The following CTNND2 variants were observed in gnomAD, a reference collection of about 807,000 sequenced individuals.
The protein encoded by CTNND2 is catenin delta-2.
A neutral mutation model predicts 144.4 loss-of-function variants in CTNND2; 22 were observed. The ratio of observed to expected loss-of-function variants is 0.15; its 90% CI spans 0.11 to 0.22. The LOEUF (loss-of-function observed/expected upper bound fraction) is 0.22, where lower values mean the gene tolerates loss of function less well. CTNND2 is among the 10% of genes least tolerant of loss of function. The pLI, the probability that CTNND2 is intolerant of heterozygous loss-of-function variation, is 1.00. For synonymous variants in CTNND2, 751 were observed against 695.6 expected, an observed-to-expected ratio of 1.08 and a Z score of -1.25; for missense variants, 1,353 against 1,618.8, an observed-to-expected ratio of 0.84 and a Z score of 2.82.
chr5:11,870,412 T>C lies in CTNND2; in HGVS notation c.37+33405A>G, dbSNP rs1053701525. Among the ~76,000 whole-genome samples the C allele has an allele frequency of 1.2e-4, 19 of 152,252 alleles. No individual in the cohort carries two copies. The South Asian group carries it at 3.3e-3, about 27-fold the overall frequency. ...CATGAAAGCTGAGCCTTCTATGTAG[T>C]TGGTCAATCAGTTAAGATGGAATGA... is the stretch of plus-strand genomic sequence containing the variant. On this transcript the variant is annotated intron_variant, in intron 1 of 21. Transcript: ENST00000304623.
chr5:11,042,815 T>C (rs1354426054), intron 16 of CTNND2, among the ~76,000 whole-genome samples: 1 of 152,216 alleles, frequency 6.6e-6, no homozygotes, highest in African/African-American at 2.4e-5. Flanking sequence ...TTGGGGTGGT[T>C]GGACCATCAC....
At chr5:11,443,218 GGTGTGT>G (rs1302509581) in intron 3 of CTNND2, among the ~76,000 whole-genome samples, 1 of 125,736 alleles carries the variant, frequency 8.0e-6, no homozygotes, top group Non-Finnish European at 1.7e-5. Context: ...ATGTGTGTGT[GGTGTGT>G]ATGTGTGTGT....
intron 10 of CTNND2, among the ~76,000 whole-genome samples, chr5:11,215,942 G>T (rs924103887): frequency 1.3e-5 from 2 of 152,154 alleles, no homozygotes; most frequent in Admixed American, 6.5e-5. Flanking sequence ...TTTTCATAAC[G>T]AGAGTTGGGA....
intron 6 of CTNND2, among the ~76,000 whole-genome samples, chr5:11,394,534 G>A (rs1759900841): frequency 6.6e-6 from 1 of 152,190 alleles, no homozygotes; most frequent in Non-Finnish European, 1.5e-5. Context: ...TTTCTAGAAT[G>A]GCCTTGGGGT....
chr5:11,804,775 C>T (rs1791902223), intron 1 of CTNND2, among the ~76,000 whole-genome samples: 1 of 152,176 alleles, frequency 6.6e-6, no homozygotes, highest in African/African-American at 2.4e-5. Flanking sequence ...CTGCATGACA[C>T]TACTCATTTG....
chr5:11,268,564 C>CAGCCTGGGT (rs1745686816), intron 9 of CTNND2, among the ~76,000 whole-genome samples: 1 of 152,144 alleles, frequency 6.6e-6, no homozygotes, highest in Non-Finnish European at 1.5e-5. Context: ...CACTGCACTC[C>CAGCCTGGGT]AGCCTGGGTA....
Position 11,684,258 on chromosome 5 carries a change from C to G in CTNND2, c.174+47878G>C, listed in dbSNP as rs780415114. Among the ~76,000 whole-genome samples the G allele has an allele frequency of 2.6e-5, 4 of 151,958 alleles. No homozygotes were observed. The South Asian group carries it at 6.3e-4, about 24-fold the overall frequency. On this transcript the variant is annotated intron_variant, in intron 2 of 21. Coordinates refer to ENST00000304623, the MANE Select transcript of CTNND2 (RefSeq NM_001332.4). ...CTGGGACTACAGGCGCTCGCCACCA[C>G]GCCTGGCTAATTTTTTTGTATTTTT...
At chr5:11,286,836 G>A (rs1178074135) in intron 9 of CTNND2, among the ~76,000 whole-genome samples, 1 of 152,172 alleles carries the variant, frequency 6.6e-6, no homozygotes, top group Non-Finnish European at 1.5e-5. Flanking sequence ...TTCATGCTCT[G>A]AAAATACTCT....
chr5:11,234,252 C>T (rs527970522), intron 10 of CTNND2, among the ~76,000 whole-genome samples: 3 of 152,196 alleles, frequency 2.0e-5, no homozygotes, highest in Admixed American at 6.5e-5. Flanking sequence ...CACATATATA[C>T]ACACTGACAC....
At chr5:11,835,708 C>A (rs1794143028) in intron 1 of CTNND2, among the ~76,000 whole-genome samples, 1 of 152,144 alleles carries the variant, frequency 6.6e-6, no homozygotes, top group Non-Finnish European at 1.5e-5. Context: ...TCTTCTTTGT[C>A]AGTCTTGTTA....
intron 9 of CTNND2, among the ~76,000 whole-genome samples, chr5:11,270,303 T>C (rs567638010): frequency 6.6e-6 from 1 of 152,206 alleles, no homozygotes; most frequent in East Asian, 1.9e-4. Context: ...AGTTATATAG[T>C]TTATATAACC....
intron 9 of CTNND2, among the ~76,000 whole-genome samples, chr5:11,310,138 C>A (rs901672628): frequency 3.9e-5 from 6 of 152,028 alleles, no homozygotes; most frequent in Admixed American, 3.9e-4. Context: ...TATTATTTAA[C>A]AAGTATTTGG....
rs1479616 is a variant in CTNND2 at position 11,425,262 on chromosome 5, C to G, written c.288-13193G>C. Among the ~76,000 whole-genome samples, 283 of 152,320 alleles carry G rather than the reference C, an allele frequency of 1.9e-3. 2 individuals carry two copies. Among genetic ancestry groups the G allele is most frequent in the Middle Eastern group, 6.8e-3 (2 of 294 alleles). ...CATATTTACTGAAGTTAGGCTGCCA[C>G]CTGGTAGATGATTTGCAGGGTAGCT... On this transcript the variant is annotated intron_variant, in intron 3 of 21. Coordinates refer to ENST00000304623, the MANE Select transcript of CTNND2 (RefSeq NM_001332.4).
chr5:11,628,138 C>T (rs921354273), intron 2 of CTNND2, among the ~76,000 whole-genome samples: 2 of 151,928 alleles, frequency 1.3e-5, no homozygotes, highest in African/African-American at 2.4e-5. Flanking sequence ...ATAGGGATAG[C>T]TATTATACAG....
intron 2 of CTNND2, among the ~76,000 whole-genome samples, chr5:11,683,288 A>G (rs752175030): frequency 1.2e-4 from 19 of 152,238 alleles, no homozygotes; most frequent in Non-Finnish European, 2.1e-4. Context: ...ATGAGGTGAT[A>G]AAAATTTCAC....
chr5:11,071,594 A>G (rs1205892661), intron 16 of CTNND2, among the ~76,000 whole-genome samples: 1 of 151,458 alleles, frequency 6.6e-6, no homozygotes, highest in Non-Finnish European at 1.5e-5. Flanking sequence ...ATGAGGCAGC[A>G]GAGTTCACTT....
chr5:11,406,555 T>TTTA (rs1173600325), intron 5 of CTNND2, among the ~76,000 whole-genome samples: 1 of 152,104 alleles, frequency 6.6e-6, no homozygotes, highest in East Asian at 1.9e-4. Flanking sequence ...GCCTCCCACC[T>TTTA]TTATTATTAT....
intron 2 of CTNND2, among the ~76,000 whole-genome samples, chr5:11,574,614 T>C (rs954871824): frequency 6.6e-6 from 1 of 152,182 alleles, no homozygotes; most frequent in African/African-American, 2.4e-5. Context: ...AATTATTATG[T>C]CCAACCACAG....
chr5:11,395,056 A>G (rs749321047), intron 6 of CTNND2, among the ~76,000 whole-genome samples: 11 of 152,208 alleles, frequency 7.2e-5, no homozygotes, highest in Non-Finnish European at 1.0e-4. Context: ...AAGGAGTAAG[A>G]TTTCACACGG....
Sources: allele counts gnomAD v4.1 joint callset (sites outside exome capture counted in the v4.1 genomes callset), GRCh38; gene constraint gnomAD v4.1.1; transcripts MANE v1.5; gene names NCBI Gene and HGNC (gene_info 2026-07-23, HGNC 2026-07-21).